The following CSMD1 variants were observed in gnomAD, a reference collection of about 807,000 sequenced individuals.
CSMD1 encodes the protein CUB and Sushi multiple domains 1.
Under a neutral mutation model 417.5 loss-of-function variants are expected in CSMD1, and 213 were observed. That is an observed-to-expected ratio of 0.51 (90% CI 0.46 to 0.57). The LOEUF is 0.57. Among genes scored for constraint, CSMD1 ranks in the 20% least tolerant of loss-of-function variants. The pLI is 0.00. For synonymous variants in CSMD1, 2,862 were observed against 1,736.8 expected (o/e 1.65, Z -16.11); for missense variants, 6,923 against 4,529.7 (o/e 1.53, Z -15.17).
chr8:3,348,112 T>G lies in CSMD1; in HGVS notation c.3354A>C (p.Pro1118=), dbSNP rs866896732. ...VKGNEGTLLS[P]NFPSNYDNNH... ...TATTATCATAATTGGATGGAAAATT[T>G]GGAGACAGTAATGTTCCTTCATTTC... The change falls in exon 22 of 70, where the codon CCA becomes CCC. Residue 1118 remains proline, a synonymous_variant. Transcript: ENST00000635120. 6.2e-7 allele frequency: 1 copy of G among 1,612,898 alleles called. No individual in the cohort carries two copies. Among genetic ancestry groups the G allele is most frequent in the Admixed American group, 1.7e-5 (1 of 59,908 alleles).
intron 5 of CSMD1, among the ~76,000 whole-genome samples, chr8:3,993,095 T>C (rs185315534): frequency 6.6e-6 from 1 of 152,236 alleles, no homozygotes; most frequent in East Asian, 1.9e-4. Context: ...AGTCTGAAAA[T>C]GAGTTAGCAG....
At chr8:4,448,489 G>A (rs1798947065) in intron 2 of CSMD1, among the ~76,000 whole-genome samples, 1 of 152,162 alleles carries the variant, frequency 6.6e-6, no homozygotes, top group African/African-American at 2.4e-5. Context: ...ACAGCAGAAA[G>A]GAAGCTCAGT....
In CSMD1 at chr8:3,108,764, A is replaced by G. The variant is rs554819436; in HGVS notation, c.6609-16T>C. The stretch of plus-strand genomic sequence containing the variant: ...GGGACCGTCCCTAGGAAAGACAGAA[A>G]GAGGTGGCTGGCTAAGGATATTTAC... On this transcript the variant is annotated splice_polypyrimidine_tract_variant and intron_variant, in intron 43 of 69. Coordinates refer to ENST00000635120, the MANE Select transcript of CSMD1 (RefSeq NM_033225.6). 40 of 1,600,952 alleles carry G rather than the reference A, an allele frequency of 2.5e-5. No individual in the cohort carries two copies. Among genetic ancestry groups the G allele is most frequent in the African/African-American group, 5.4e-5 (4 of 74,646 alleles).
Position 4,713,148 on chromosome 8 carries a change from T to C in CSMD1, c.86-75590A>G, listed in dbSNP as rs548016188. ...ATTGCCACTAGGACCTCTATTAAAA[T>C]GCAAATGTGTTCCCCGGGTGGGGAA... On this transcript the variant is annotated intron_variant, in intron 1 of 69. Transcript: ENST00000635120. 7.2e-5 allele frequency among the ~76,000 whole-genome samples: 11 copies of C among 152,328 alleles called. No individual in the cohort carries two copies. The East Asian group carries it at 1.9e-3, about 27-fold the overall frequency.
At chr8:3,004,258 C>T (rs79715757) in intron 52 of CSMD1, among the ~76,000 whole-genome samples, 3,596 of 152,244 alleles carry the variant, frequency 0.024, 146 homozygotes, top group African/African-American at 0.083. Flanking sequence ...ATTTATTATT[C>T]ATTGACGTTT....
chr8:4,823,934 C>T (rs1318912242), intron 1 of CSMD1, among the ~76,000 whole-genome samples: 1 of 151,828 alleles, frequency 6.6e-6, no homozygotes, highest in Non-Finnish European at 1.5e-5. Flanking sequence ...AGCATTCTAA[C>T]CAGAGAATAT....
At chr8:4,572,551 T>A (rs1195093687) in intron 2 of CSMD1, among the ~76,000 whole-genome samples, 1 of 152,168 alleles carries the variant, frequency 6.6e-6, no homozygotes, top group East Asian at 1.9e-4. Flanking sequence ...CCCTTAGCAT[T>A]TTTTCCTGTG....
At chr8:3,944,443 C>T (rs909713621) in intron 5 of CSMD1, among the ~76,000 whole-genome samples, 2 of 152,018 alleles carry the variant, frequency 1.3e-5, no homozygotes, top group East Asian at 3.8e-4. Flanking sequence ...ATAAAATAAG[C>T]CTTTCTAGTT....
rs73657814 is a variant in CSMD1 at position 3,327,610 on chromosome 8, G to C, written c.3631+15684C>G. On this transcript the variant is annotated intron_variant, in intron 23 of 69. Transcript: ENST00000635120. Reference sequence around the variant, plus strand: ...CTCAATAAGAATTCGTAGGATAATTGTTTCAGTAGTGACCTGGGAATAGTA... The same window carrying C: ...CTCAATAAGAATTCGTAGGATAATTCTTTCAGTAGTGACCTGGGAATAGTA... 8.0e-3 allele frequency among the ~76,000 whole-genome samples: 1,225 copies of C among 152,216 alleles called. 13 individuals are homozygous for C. The highest frequency in any genetic ancestry group is 0.027 in the African/African-American group (1,122 of 41,528).
At chr8:3,162,057 G>C in intron 38 of CSMD1, 102 bp downstream of exon 38, 1 of 728,512 alleles carries the variant, frequency 1.4e-6, no homozygotes, top group Non-Finnish European at 2.4e-6. Context: ...TTCACAAACT[G>C]AGTGAGGAAA....
intron 5 of CSMD1, among the ~76,000 whole-genome samples, chr8:3,983,585 A>G (rs998247368): frequency 3.3e-5 from 5 of 152,076 alleles, no homozygotes; most frequent in African/African-American, 7.2e-5. Flanking sequence ...TGATGTTTCT[A>G]TTTTATTTTT....
chr8:4,457,501 G>T (rs1373889011), intron 2 of CSMD1, among the ~76,000 whole-genome samples: 1 of 152,030 alleles, frequency 6.6e-6, no homozygotes, highest in Non-Finnish European at 1.5e-5. Context: ...TATAAGAAAT[G>T]ATCATCTGGA....
At chr8:3,734,234 C>T (rs928061365) in intron 6 of CSMD1, among the ~76,000 whole-genome samples, 8 of 152,192 alleles carry the variant, frequency 5.3e-5, no homozygotes, top group African/African-American at 1.7e-4. Context: ...TGGGAGCCTT[C>T]GGCTTCCTAC....
chr8:4,375,330 C>A (rs28593012), intron 3 of CSMD1, among the ~76,000 whole-genome samples: 1 of 151,792 alleles, frequency 6.6e-6, no homozygotes, highest in Non-Finnish European at 1.5e-5. Flanking sequence ...CCTGGTCTGT[C>A]AGGAGGGTGA....
chr8:4,985,840 T>C (rs1811151342), intron 1 of CSMD1, among the ~76,000 whole-genome samples: 1 of 152,154 alleles, frequency 6.6e-6, no homozygotes. Flanking sequence ...GATGGATTGG[T>C]CTTATGTTGT....
chr8:3,966,322 T>C (rs370322777), intron 5 of CSMD1, among the ~76,000 whole-genome samples: 2 of 152,256 alleles, frequency 1.3e-5, no homozygotes, highest in South Asian at 2.1e-4. Flanking sequence ...GGGAAAGAAA[T>C]AGCATCTTGC....
chr8:4,096,508 A>G (rs985121484), intron 3 of CSMD1, among the ~76,000 whole-genome samples: 3 of 152,196 alleles, frequency 2.0e-5, no homozygotes, highest in Non-Finnish European at 1.5e-5. Flanking sequence ...GAGACAGCCA[A>G]TGACTACTTA....
intron 37 of CSMD1, among the ~76,000 whole-genome samples, chr8:3,179,076 C>G (rs568882637): frequency 1.3e-5 from 2 of 151,166 alleles, no homozygotes; most frequent in African/African-American, 2.4e-5. Flanking sequence ...GCCTCCTGAG[C>G]AGCTGGGACT....
Position 4,112,623 on chromosome 8 carries a change from C to T in CSMD1, c.416-80524G>A, listed in dbSNP as rs115293148. On this transcript the variant is annotated intron_variant, in intron 3 of 69. Coordinates refer to ENST00000635120, the MANE Select transcript of CSMD1 (RefSeq NM_033225.6). The stretch of plus-strand genomic sequence containing the variant: ...TGTATGAGGGCTGGTTCTCAGCAAG[C>T]AGGGACCTGTCCAAAGGGGATCCTG... Among the ~76,000 whole-genome samples the T allele has an allele frequency of 5.5e-3, 842 of 152,292 alleles. 6 individuals are homozygous for T. Among genetic ancestry groups the T allele is most frequent in the African/African-American group, 0.019 (792 of 41,562 alleles).
Sources: allele counts gnomAD v4.1 joint callset (sites outside exome capture counted in the v4.1 genomes callset), GRCh38; gene constraint gnomAD v4.1.1; transcripts MANE v1.5; gene names NCBI Gene and HGNC (gene_info 2026-07-23, HGNC 2026-07-21).